The following TCF7L1 variants were observed in gnomAD, a reference collection of about 807,000 sequenced individuals.
TCF7L1 encodes transcription factor 7 like 1, also known as transcription factor 7-like 1.
Under a neutral mutation model 63.7 loss-of-function variants are expected in TCF7L1, and 18 were observed. That is an observed-to-expected ratio of 0.28 (90% CI 0.20 to 0.42). The LOEUF is 0.42. Among genes scored for constraint, TCF7L1 ranks in the 10% least tolerant of loss-of-function variants. The pLI is 1.00. For synonymous variants in TCF7L1, 355 were observed against 340.9 expected (o/e 1.04, Z -0.46); for missense variants, 654 against 779.3 (o/e 0.84, Z 1.91).
intron 3 of TCF7L1, among the ~76,000 whole-genome samples, chr2:85,215,167 C>A (rs4831996): frequency 2.0e-5 from 3 of 152,160 alleles, no homozygotes; most frequent in African/African-American, 7.2e-5. Flanking sequence ...ACACCGGGAC[C>A]TTCTGAAAAA....
intron 3 of TCF7L1, among the ~76,000 whole-genome samples, chr2:85,136,978 G>A (rs140380522): frequency 6.6e-6 from 1 of 152,130 alleles, no homozygotes; most frequent in Non-Finnish European, 1.5e-5. Context: ...TACGAGTGGG[G>A]AGGGAGGAGG....
intron 3 of TCF7L1, among the ~76,000 whole-genome samples, chr2:85,206,462 A>T (rs1679412582): frequency 6.6e-6 from 1 of 152,252 alleles, no homozygotes; most frequent in African/African-American, 2.4e-5. Flanking sequence ...AATCTCTGCC[A>T]CTAATTCATT....
intron 3 of TCF7L1, among the ~76,000 whole-genome samples, chr2:85,252,089 C>A (rs1183783573): frequency 6.6e-6 from 1 of 152,130 alleles, no homozygotes; most frequent in Non-Finnish European, 1.5e-5. Flanking sequence ...CACACACACT[C>A]ACACTCCAGA....
intron 4 of TCF7L1, among the ~76,000 whole-genome samples, chr2:85,296,274 C>G (rs2104382064): frequency 6.6e-6 from 1 of 152,276 alleles, no homozygotes; most frequent in Non-Finnish European, 1.5e-5. Flanking sequence ...CTTTGTCTTT[C>G]TTGACCTTCA....
At chr2:85,250,442 A>ATTTT (rs57121264) in intron 3 of TCF7L1, among the ~76,000 whole-genome samples, 1 of 148,980 alleles carries the variant, frequency 6.7e-6, no homozygotes, top group Non-Finnish European at 1.5e-5. Flanking sequence ...AAAAGTGAGA[A>ATTTT]TTTTTTTTTT....
intron 3 of TCF7L1, among the ~76,000 whole-genome samples, chr2:85,231,228 G>A (rs994376655): frequency 8.5e-5 from 13 of 152,160 alleles, no homozygotes; most frequent in Non-Finnish European, 1.5e-4. Context: ...AGCTGCCCAA[G>A]CATCTCTCCT....
intron 3 of TCF7L1, among the ~76,000 whole-genome samples, chr2:85,201,962 T>TTTATC (rs1679281539): frequency 1.1e-5 from 1 of 94,474 alleles, no homozygotes; most frequent in South Asian, 3.2e-4. Flanking sequence ...TATTTATTTA[T>TTTATC]TTATTTTATT....
chr2:85,162,197 T>C (rs1167601678), intron 3 of TCF7L1, among the ~76,000 whole-genome samples: 3 of 152,028 alleles, frequency 2.0e-5, no homozygotes, highest in Non-Finnish European at 4.4e-5. Flanking sequence ...ATTACGCCAC[T>C]GCACCCCACC....
chr2:85,246,873 A>G (rs1001428552), intron 3 of TCF7L1, among the ~76,000 whole-genome samples: 2 of 152,326 alleles, frequency 1.3e-5, no homozygotes, highest in Admixed American at 1.3e-4. Context: ...CTTGTAGGAC[A>G]GGAGAATTGC....
chr2:85,198,552 C>G (rs1041859496), intron 3 of TCF7L1, among the ~76,000 whole-genome samples: 2 of 152,214 alleles, frequency 1.3e-5, no homozygotes, highest in African/African-American at 4.8e-5. Flanking sequence ...CTGGCCATGA[C>G]TTTGCCATTT....
At position 85,153,592 on chromosome 2, in the gene TCF7L1, C is replaced by T. The variant is rs370361993; in HGVS notation, c.441+19142C>T. 2.7e-4 allele frequency among the ~76,000 whole-genome samples: 41 copies of T among 151,860 alleles called. 1 individual carries two copies. Among genetic ancestry groups the T allele is most frequent in the African/African-American group, 9.7e-4 (40 of 41,428 alleles). On this transcript the variant is annotated intron_variant, in intron 3 of 11. Coordinates refer to ENST00000282111, the MANE Select transcript of TCF7L1 (RefSeq NM_031283.3). The stretch of plus-strand genomic sequence containing the variant: ...TCCTGACCTTGTGATCCACCCACCT[C>T]GGCCTCCCAAAGTCCTGGGATTACA...
intron 3 of TCF7L1, 150 bp from the exon 4 acceptor site, chr2:85,283,345 G>C: frequency 1.4e-6 from 1 of 718,748 alleles, no homozygotes; most frequent in East Asian, 2.6e-5. Flanking sequence ...ATAATCGTTT[G>C]GAAATTGACC....
In TCF7L1 at chr2:85,134,272, G is replaced by C. The variant is rs1438129857; in HGVS notation, c.314-51G>C. 1 of 1,518,712 alleles carries C rather than the reference G, an allele frequency of 6.6e-7. No individual in the cohort carries two copies. The highest frequency in any genetic ancestry group is 2.5e-5 in the East Asian group (1 of 40,692). The allele number at this position is 1,518,712 out of a possible 1,614,324, so 94.1% of individuals were successfully genotyped here. On this transcript the variant is annotated intron_variant, in intron 2 of 11. Coordinates refer to ENST00000282111, the MANE Select transcript of TCF7L1 (RefSeq NM_031283.3). The surrounding 1 kb of genome is among the most constrained non-coding windows in gnomAD (Gnocchi z 5.0). ...CCCGCCTCGAGCCCCCTGCCGCGGC[G>C]CTGTCAGTCCCGGGGGCCTGGGCCT... is the stretch of plus-strand genomic sequence containing the variant.
chr2:85,256,519 A>G (rs771681735), intron 3 of TCF7L1, among the ~76,000 whole-genome samples: 1 of 152,228 alleles, frequency 6.6e-6, no homozygotes, highest in Non-Finnish European at 1.5e-5. Context: ...GCTTCCGGAC[A>G]CACAATCAAT....
intron 3 of TCF7L1, among the ~76,000 whole-genome samples, chr2:85,146,127 G>A (rs1677874683): frequency 6.6e-6 from 1 of 152,142 alleles, no homozygotes; most frequent in Non-Finnish European, 1.5e-5. Context: ...TTAAAAAATA[G>A]CCCCATAAGC....
rs1679908391 is a variant in TCF7L1 at position 85,224,241 on chromosome 2, G to A, written c.442-59254G>A. The stretch of plus-strand genomic sequence containing the variant: ...CTTTGCTATTGTGAATAGTGCCACA[G>A]TAAACATACATGTGCATATGTCTTT... On this transcript the variant is annotated intron_variant, in intron 3 of 11. Transcript: ENST00000282111. 3.9e-5 allele frequency among the ~76,000 whole-genome samples: 6 copies of A among 152,288 alleles called. No homozygotes were observed. In the South Asian group the frequency reaches 1.2e-3, roughly 32 times the overall value.
chr2:85,273,420 A>G (rs1418753510), intron 3 of TCF7L1, among the ~76,000 whole-genome samples: 2 of 152,208 alleles, frequency 1.3e-5, no homozygotes, highest in Admixed American at 6.5e-5. Flanking sequence ...TACAGAGGAC[A>G]ATTCGCAGCC....
At chr2:85,227,594 T>G (rs960557492) in intron 3 of TCF7L1, among the ~76,000 whole-genome samples, 4 of 152,210 alleles carry the variant, frequency 2.6e-5, no homozygotes, top group African/African-American at 9.6e-5. Context: ...AGCTTAGCTT[T>G]AGTTAAAAAC....
chr2:85,257,485 G>C (rs1193861540), intron 3 of TCF7L1, among the ~76,000 whole-genome samples: 1 of 152,098 alleles, frequency 6.6e-6, no homozygotes, highest in Non-Finnish European at 1.5e-5. Context: ...CAGATTCTGG[G>C]GCTTCCCCAC....
Sources: gnomAD v4.1 joint callset for allele counts (sites outside exome capture counted in the v4.1 genomes callset) on GRCh38, gnomAD v4.1.1 for gene constraint, Gnocchi (gnomAD v3.1) non-coding constraint, MANE v1.5 for transcripts, NCBI Gene and HGNC (gene_info 2026-07-23, HGNC 2026-07-21) for gene names.